BLTP1: variants seen among roughly 807,000 people sequenced by gnomAD.
BLTP1 encodes the protein fragile site-associated protein.
At chr4:122,356,971 T>C in the BLTP1 span, 1 of 983,238 alleles carries the variant, frequency 1.0e-6, no homozygotes, top group African/African-American at 1.7e-5. Flanking sequence ...AGTGTTTCTG[T>C]ATACATTATC....
At chr4:122,353,911 T>G in the BLTP1 span, 12 of 1,613,996 alleles carry the variant, frequency 7.4e-6, no homozygotes, top group Non-Finnish European at 9.3e-6. The surrounding 1 kb of genome is among the most constrained non-coding windows in gnomAD (Gnocchi z 4.3). Flanking sequence ...TGGAAAGTCC[T>G]ATGGCAACAA....
At chr4:122,247,207 A>C in the BLTP1 span, 1 of 1,613,370 alleles carries the variant, frequency 6.2e-7, no homozygotes, top group South Asian at 1.1e-5. Context: ...TAGAACATCA[A>C]ATTTTGATAG....
chr4:122,317,324 T>TC, the BLTP1 span, among the ~76,000 whole-genome samples: 1 of 150,424 alleles, frequency 6.6e-6, no homozygotes, highest in Non-Finnish European at 1.5e-5. Context: ...ACAGCGAGAC[T>TC]CCATCTCCAA....
At chr4:122,185,093 G>T in the BLTP1 span, 5 of 984,936 alleles carry the variant, frequency 5.1e-6, no homozygotes, top group South Asian at 9.4e-5. Flanking sequence ...AATTTTGGCT[G>T]GCTCAGACTT....
At chr4:122,197,221 T>C in the BLTP1 span, 1 of 1,449,886 alleles carries the variant, frequency 6.9e-7, no homozygotes, top group Non-Finnish European at 9.4e-7. Context: ...CATGTAAATG[T>C]AGGAGCTGGC....
the BLTP1 span, chr4:122,293,178 C>T: frequency 2.0e-6 from 2 of 982,646 alleles, no homozygotes; most frequent in East Asian, 2.3e-4. Flanking sequence ...ACTTGATTGA[C>T]ACAAAAGTAG....
chr4:122,221,760 G>A, the BLTP1 span: 3 of 977,620 alleles, frequency 3.1e-6, no homozygotes, highest in East Asian at 1.1e-4. Context: ...TATGTGGAGA[G>A]GAAGCCCATC....
At chr4:122,192,634 A>G in the BLTP1 span, among the ~76,000 whole-genome samples, 10 of 152,036 alleles carry the variant, frequency 6.6e-5, no homozygotes, top group African/African-American at 1.9e-4. Flanking sequence ...AATGAGGAGC[A>G]TATTTGTTGG....
the BLTP1 span, chr4:122,273,369 A>T: frequency 1.0e-6 from 1 of 984,992 alleles, no homozygotes; most frequent in East Asian, 1.1e-4. Flanking sequence ...CGGTTCTCTG[A>T]AAAAATTAGG....
the BLTP1 span, among the ~76,000 whole-genome samples, chr4:122,285,196 A>G: frequency 6.6e-6 from 1 of 152,174 alleles, no homozygotes; most frequent in African/African-American, 2.4e-5. Context: ...GAGTAAACAT[A>G]TTGTTAAATA....
At chr4:122,334,667 A>T in the BLTP1 span, 1,036 of 953,424 alleles carry the variant, frequency 1.1e-3, 9 homozygotes, top group African/African-American at 0.015. Flanking sequence ...TTTGTCAATA[A>T]TGACTCTACA....
At chr4:122,300,764 C>A in the BLTP1 span, 1 of 330,454 alleles carries the variant, frequency 3.0e-6, no homozygotes, top group Non-Finnish European at 4.3e-6. Context: ...TGATGATCAA[C>A]TCAACATATG....
At chr4:122,342,944 A>C in the BLTP1 span, among the ~76,000 whole-genome samples, 1 of 152,190 alleles carries the variant, frequency 6.6e-6, no homozygotes, top group Non-Finnish European at 1.5e-5. Flanking sequence ...CAACAAGGAC[A>C]CTTGGCTCTC....
At chr4:122,242,119 A>G in the BLTP1 span, among the ~76,000 whole-genome samples, 25,409 of 152,134 alleles carry the variant, frequency 0.17, 2,422 homozygotes, top group African/African-American at 0.25. Flanking sequence ...CAATCCCACT[A>G]CTGGGTAATA....
chr4:122,204,597 A>C, the BLTP1 span: 2 of 984,050 alleles, frequency 2.0e-6, no homozygotes, highest in African/African-American at 1.7e-5. Context: ...AAAGATGGTT[A>C]GTTTTTCCTT....
the BLTP1 span, chr4:122,346,455 A>G: frequency 1.0e-6 from 1 of 984,788 alleles, no homozygotes. Flanking sequence ...AAGTGGTACT[A>G]ACAGTGTTAG....
At chr4:122,249,828 G>C in the BLTP1 span, 3 of 1,414,342 alleles carry the variant, frequency 2.1e-6, no homozygotes, top group Non-Finnish European at 2.8e-6. Context: ...TACCGGGGGT[G>C]AGTGCCTCAT....
chr4:122,174,886 C>T, the BLTP1 span: 2 of 298,268 alleles, frequency 6.7e-6, no homozygotes, highest in Non-Finnish European at 9.9e-6. Flanking sequence ...TCTTTCATTT[C>T]TAGATGAGAA....
chr4:122,194,723 CATT>C, the BLTP1 span: 3 of 822,708 alleles, frequency 3.6e-6, no homozygotes, highest in Non-Finnish European at 4.4e-6. Context: ...TATTTAATTT[CATT>C]ATGTATTTTT....
Sources: allele counts gnomAD v4.1 joint callset (sites outside exome capture counted in the v4.1 genomes callset), GRCh38; gene constraint gnomAD v4.1.1; non-coding constraint Gnocchi (gnomAD v3.1); transcripts MANE v1.5; gene names NCBI Gene and HGNC (gene_info 2026-07-23, HGNC 2026-07-21).